Variants in MOXD1 observed in about 807,000 individuals in gnomAD.
The protein encoded by MOXD1 is DBH-like monooxygenase protein 1.
Under a neutral mutation model 66.6 loss-of-function variants are expected in MOXD1, and 62 were observed. The ratio of observed to expected loss-of-function variants is 0.93; its 90% CI spans 0.76 to 1.15. MOXD1 has a LOEUF of 1.15. MOXD1 is among the 50% of genes most tolerant of loss of function. The pLI is 0.00. For synonymous variants in MOXD1, 303 were observed against 281.9 expected, an observed-to-expected ratio of 1.07 and a Z score of -0.75; for missense variants, 847 against 754.6, an observed-to-expected ratio of 1.12 and a Z score of -1.44.
intron 4 of MOXD1, among the ~76,000 whole-genome samples, chr6:132,372,357 C>T (rs994815719): frequency 7.9e-5 from 12 of 152,046 alleles, no homozygotes; most frequent in African/African-American, 4.8e-5. Flanking sequence ...TAATAATTAG[C>T]GGTGTTCATG....
chr6:132,373,107 A>G, intron 2 of MOXD1, 110 bp from the exon 3 acceptor site: 1 of 1,080,562 alleles, frequency 9.3e-7, no homozygotes. Flanking sequence ...AAGAAAAGAC[A>G]ATAATGACAT....
Position 132,296,759 on chromosome 6 carries a change from A to G in MOXD1, c.*394T>C, listed in dbSNP as rs1041036095. On this transcript the variant is annotated 3_prime_UTR_variant, in exon 12 of 12. Coordinates refer to ENST00000367963, the MANE Select transcript of MOXD1 (RefSeq NM_015529.4). ...ACTGGAATGAACAGTAGTCCCTTTTATATTTTTTAAAAGGAAGGAATTTTT... is the reference window on the plus strand; with the variant it reads ...ACTGGAATGAACAGTAGTCCCTTTTGTATTTTTTAAAAGGAAGGAATTTTT... 6.4e-6 allele frequency: 1 copy of G among 155,696 alleles called. No homozygotes were observed. Among genetic ancestry groups the G allele is most frequent in the Non-Finnish European group, 1.4e-5 (1 of 70,248 alleles). The allele number at this position is 155,696 out of a possible 1,614,324, so 9.6% of individuals were successfully genotyped here.
chr6:132,323,995 G>C lies in MOXD1; in HGVS notation c.1049C>G (p.Thr350Ser), dbSNP rs1775134970. The change falls in exon 7 of 12, where the codon ACC becomes AGC. Residue 350 changes from threonine (T) to serine (S), a missense_variant. Physicochemically the swap from Thr to Ser is moderately conservative, Grantham distance 58. Coordinates refer to ENST00000367963, the MANE Select transcript of MOXD1 (RefSeq NM_015529.4). The stretch of plus-strand genomic sequence containing the variant: ...GAACTCAGGCATCCCTGGAGGGATG[G>C]TATGGAAGAGGCTCACCCAGAGGCC... ...EAGLWVSLFH[T>S]IPPGMPEFQS... is the part of the protein sequence containing the mutation. 1.9e-6 allele frequency: 3 copies of C among 1,613,838 alleles called. No individual in the cohort carries two copies. The highest frequency in any genetic ancestry group is 2.7e-5 in the African/African-American group (2 of 74,910).
chr6:132,298,510 A>G (rs1249062318), intron 10 of MOXD1, among the ~76,000 whole-genome samples: 2 of 152,162 alleles, frequency 1.3e-5, no homozygotes, highest in Admixed American at 1.3e-4. Context: ...GTTCAAACCC[A>G]TACACTATAA....
intron 4 of MOXD1, among the ~76,000 whole-genome samples, chr6:132,362,279 C>A (rs1186263112): frequency 1.3e-5 from 2 of 152,012 alleles, no homozygotes; most frequent in Non-Finnish European, 2.9e-5. Context: ...AAATTTCCAA[C>A]TTTGTCAATT....
At chr6:132,332,223 G>T (rs1775335697) in intron 4 of MOXD1, among the ~76,000 whole-genome samples, 1 of 152,154 alleles carries the variant, frequency 6.6e-6, no homozygotes, top group South Asian at 2.1e-4. Flanking sequence ...TACAGATTGA[G>T]GGTGCAGCCT....
In MOXD1 at chr6:132,400,650, A is replaced by G. The variant is rs1038701351; in HGVS notation, c.264+513T>C. Among the ~76,000 whole-genome samples the G allele has an allele frequency of 2.6e-5, 4 of 152,218 alleles. No homozygotes were observed. In the East Asian group the frequency reaches 7.8e-4, roughly 30 times the overall value. On this transcript the variant is annotated intron_variant, in intron 1 of 11. Coordinates refer to ENST00000367963, the MANE Select transcript of MOXD1 (RefSeq NM_015529.4). ...CCTAAGCGATTCTTAGGGGCCCTTC[A>G]TTCTTCTGGAGAATGGTGTAGCTGA...
At chr6:132,397,461 C>T (rs1028585644) in intron 1 of MOXD1, among the ~76,000 whole-genome samples, 1 of 152,134 alleles carries the variant, frequency 6.6e-6, no homozygotes, top group Admixed American at 6.5e-5. Context: ...TAACATTAGA[C>T]TTTCTCTCTG....
At chr6:132,349,561 C>G (rs945241823) in intron 4 of MOXD1, among the ~76,000 whole-genome samples, 1 of 148,692 alleles carries the variant, frequency 6.7e-6, no homozygotes, top group African/African-American at 2.5e-5. Context: ...TTTGCAATTG[C>G]GAAATGTGCC....
intron 10 of MOXD1, among the ~76,000 whole-genome samples, chr6:132,312,099 T>C (rs1410155054): frequency 6.6e-6 from 1 of 151,974 alleles, no homozygotes; most frequent in African/African-American, 2.4e-5. Context: ...TCTATTTTGT[T>C]GTTTGATCTT....
intron 4 of MOXD1, among the ~76,000 whole-genome samples, chr6:132,340,119 G>A (rs1244700905): frequency 6.6e-6 from 1 of 152,060 alleles, no homozygotes; most frequent in African/African-American, 2.4e-5. Flanking sequence ...TCCTGACCTT[G>A]TGATCCGCCT....
chr6:132,328,639 C>T (rs1272213868), intron 4 of MOXD1, 45 bp from the exon 5 acceptor site: 8 of 1,554,584 alleles, frequency 5.1e-6, no homozygotes, highest in Non-Finnish European at 7.0e-6. Flanking sequence ...AATAAGACCA[C>T]CCTACAACAT....
chr6:132,329,441 T>C (rs1014570619), intron 4 of MOXD1, among the ~76,000 whole-genome samples: 1 of 152,126 alleles, frequency 6.6e-6, no homozygotes, highest in African/African-American at 2.4e-5. Flanking sequence ...TACATGTGCA[T>C]GTGTCTTTAT....
At chr6:132,365,416 C>T (rs1044880264) in intron 4 of MOXD1, among the ~76,000 whole-genome samples, 4 of 152,152 alleles carry the variant, frequency 2.6e-5, no homozygotes, top group African/African-American at 7.2e-5. Context: ...ATGTCAGGAA[C>T]TCAGACCACA....
intron 4 of MOXD1, among the ~76,000 whole-genome samples, chr6:132,338,544 C>T (rs909608237): frequency 9.2e-5 from 14 of 152,324 alleles, no homozygotes; most frequent in African/African-American, 3.4e-4. Context: ...CAGAATCACA[C>T]TCTTGCTCAG....
rs142963187 is a variant in MOXD1, at chr6:132,364,288, A to G, written c.663+8320T>C. 4.6e-3 allele frequency among the ~76,000 whole-genome samples: 695 copies of G among 152,238 alleles called. 7 individuals are homozygous for G. The highest frequency in any genetic ancestry group is 0.016 in the African/African-American group (658 of 41,548). On this transcript the variant is annotated intron_variant, in intron 4 of 11. Coordinates refer to ENST00000367963, the MANE Select transcript of MOXD1 (RefSeq NM_015529.4). ...CCCAGGGAATCTTTTCTTCAAAATA[A>G]AATAGAGACTTACTGCCTACCATTG...
chr6:132,396,158 C>CA (rs1177181981), intron 1 of MOXD1, among the ~76,000 whole-genome samples: 2 of 152,064 alleles, frequency 1.3e-5, no homozygotes, highest in East Asian at 1.9e-4. Flanking sequence ...CAAGTCTCAA[C>CA]AAATTTTAAA....
chr6:132,365,990 A>G (rs1025368127), intron 4 of MOXD1, among the ~76,000 whole-genome samples: 1 of 152,190 alleles, frequency 6.6e-6, no homozygotes, highest in Non-Finnish European at 1.5e-5. Flanking sequence ...TAAACATTGT[A>G]ACACAAATTA....
chr6:132,360,526 C>T (rs143141152), intron 4 of MOXD1, among the ~76,000 whole-genome samples: 231 of 152,316 alleles, frequency 1.5e-3, no homozygotes, highest in African/African-American at 5.2e-3. Context: ...ACCTAAAATT[C>T]ATCTACTCTG....
Sources: gnomAD v4.1 joint callset for allele counts (sites outside exome capture counted in the v4.1 genomes callset) on GRCh38, gnomAD v4.1.1 for gene constraint, MANE v1.5 for transcripts, NCBI Gene and HGNC (gene_info 2026-07-23, HGNC 2026-07-21) for gene names.